The following PHF20L1 variants were observed in gnomAD, a reference collection of about 807,000 sequenced individuals.
PHF20L1 encodes PHD finger protein 20 like 1.
Under a neutral mutation model 125.5 loss-of-function variants are expected in PHF20L1, and 44 were observed. The observed-to-expected ratio is 0.35, with a 90% CI of 0.28 to 0.45. PHF20L1 has a LOEUF of 0.45. PHF20L1 is among the 20% of genes least tolerant of loss of function. The probability of loss-of-function intolerance (pLI) is 1.00; values close to 1 mark genes in which losing one functional copy is unlikely to be tolerated. For missense variants in PHF20L1, 1,012 were observed against 1,217.2 expected (o/e 0.83, Z 2.51); for synonymous variants, 380 against 403.1 (o/e 0.94, Z 0.69).
intron 2 of PHF20L1, among the ~76,000 whole-genome samples, chr8:132,778,702 C>T (rs1202133181): frequency 2.0e-5 from 3 of 152,140 alleles, no homozygotes; most frequent in Non-Finnish European, 2.9e-5. Context: ...TCCTAAGGAG[C>T]GTATTCCTCA....
chr8:132,801,231 C>T (rs1563802497), intron 6 of PHF20L1, among the ~76,000 whole-genome samples: 1 of 151,676 alleles, frequency 6.6e-6, no homozygotes, highest in Non-Finnish European at 1.5e-5. Context: ...CGTTGTGACT[C>T]ACTAGTGTTA....
chr8:132,828,082 A>G (rs566189878), intron 14 of PHF20L1, among the ~76,000 whole-genome samples: 5 of 152,044 alleles, frequency 3.3e-5, no homozygotes, highest in Non-Finnish European at 7.4e-5. Context: ...AATTTTAAAG[A>G]CATCTTAATG....
At chr8:132,823,912 A>G (rs908268821) in intron 12 of PHF20L1, 92 bp from the exon 13 acceptor site, 1 of 702,654 alleles carries the variant, frequency 1.4e-6, no homozygotes, top group South Asian at 2.0e-5. Flanking sequence ...AGAGTCTTAC[A>G]TAGAGTTTTA....
chr8:132,784,959 C>T (rs1830849293), intron 2 of PHF20L1, among the ~76,000 whole-genome samples: 2 of 152,158 alleles, frequency 1.3e-5, no homozygotes, highest in South Asian at 2.1e-4. Flanking sequence ...TCCTAGAGAG[C>T]TTTCCTCCTA....
chr8:132,814,014 G>GT (rs1349839636), intron 9 of PHF20L1, among the ~76,000 whole-genome samples: 1 of 150,826 alleles, frequency 6.6e-6, no homozygotes, highest in African/African-American at 2.4e-5. Flanking sequence ...GTTTTGTATT[G>GT]TTTTTTAGTC....
chr8:132,845,918 G>T lies in PHF20L1; in HGVS notation c.3049G>T (p.Val1017Leu), dbSNP rs1218872361. The change falls in exon 21 of 21, where the codon GTA becomes TTA. Residue 1017 changes from valine to leucine, a missense_variant. This residue lies in a region of PHF20L1 where 277 missense variants were observed against 283.6 expected (regional missense o/e 0.98). Transcript: ENST00000395386. ...KVQQIATLCSV is the reference protein window; with the variant it reads ...KVQQIATLCSL ...ACAGCAGATAGCAACTCTTTGCTCT[G>T]TATGACAACAGTGAACACTTAATGA... 6.2e-7 allele frequency: 1 copy of T among 1,610,818 alleles called. No homozygotes were observed. The highest frequency in any genetic ancestry group is 8.5e-7 in the Non-Finnish European group (1 of 1,177,776).
At chr8:132,809,501 A>G (rs540784611) in intron 8 of PHF20L1, 4 of 152,170 alleles carry the variant, frequency 2.6e-5, no homozygotes, top group Admixed American at 1.3e-4. Context: ...ATTCCTACCT[A>G]GATCACTTAA....
intron 13 of PHF20L1, chr8:132,824,675 G>A (rs1443598516): frequency 1.8e-5 from 3 of 170,286 alleles, no homozygotes; most frequent in Non-Finnish European, 1.3e-5. Context: ...ATTTTTTTAA[G>A]TACATATGAT....
intron 10 of PHF20L1, 28 bp downstream of exon 10, chr8:132,814,917 A>G (rs1834785465): frequency 6.7e-7 from 1 of 1,486,640 alleles, no homozygotes; most frequent in African/African-American, 1.4e-5. Context: ...AAAAATAGTT[A>G]TTTATCCTAT....
intron 2 of PHF20L1, among the ~76,000 whole-genome samples, chr8:132,784,464 A>G (rs1057154203): frequency 6.6e-6 from 1 of 152,066 alleles, no homozygotes; most frequent in African/African-American, 2.4e-5. Flanking sequence ...TCCAAACTCA[A>G]TTTCATTTTA....
chr8:132,811,119 G>A lies in PHF20L1; in HGVS notation c.921G>A (p.Met307Ile), dbSNP rs1489013152. 1.2e-6 allele frequency: 2 copies of A among 1,609,872 alleles called. No homozygotes were observed. Among genetic ancestry groups the A allele is most frequent in the Non-Finnish European group, 1.7e-6 (2 of 1,176,504 alleles). The stretch of plus-strand genomic sequence containing the variant: ...AAGACTACAATGAAACAGCTCCAAT[G>A]CTGGAGCAGGTATGAAATGGTAGCA... The part of the protein sequence containing the change: ...KKEDYNETAP[M>I]LEQAISPKPQ... Residue 307 changes from methionine to isoleucine, a missense_variant, in exon 9 of 21, where the codon ATG becomes ATA. Around this residue, in one of 7 missense-constraint regions of PHF20L1, gnomAD observed 119 missense variants for 160.2 expected, o/e 0.74. Coordinates refer to ENST00000395386, the MANE Select transcript of PHF20L1 (RefSeq NM_016018.5).
At chr8:132,812,663 GAACA>G (rs1834530657) in intron 9 of PHF20L1, 2 of 984,876 alleles carry the variant, frequency 2.0e-6, no homozygotes, top group African/African-American at 1.7e-5. Flanking sequence ...AATGTTTTGT[GAACA>G]AACACTTATT....
At position 132,847,943 on chromosome 8, in the gene PHF20L1, T is replaced by A. The variant is rs1321110971; in HGVS notation, c.*2020T>A. On this transcript the variant is annotated 3_prime_UTR_variant, in exon 21 of 21. Coordinates refer to ENST00000395386, the MANE Select transcript of PHF20L1 (RefSeq NM_016018.5). ...CCTTTGCATTTTAAAATAGTGGCTC[T>A]AATATTTTCCCTGTCATGGCTACAT... 6.6e-6 allele frequency: 1 copy of A among 152,162 alleles called. No individual in the cohort carries two copies. The highest frequency in any genetic ancestry group is 1.5e-5 in the Non-Finnish European group (1 of 67,992). 9.4% of individuals were successfully genotyped at this position (152,162 alleles called of 1,614,324 possible).
intron 12 of PHF20L1, among the ~76,000 whole-genome samples, chr8:132,822,783 T>A (rs934731041): frequency 1.3e-5 from 2 of 151,970 alleles, no homozygotes; most frequent in Non-Finnish European, 2.9e-5. Context: ...ATTTGAGTGG[T>A]ATTTTTATAT....
intron 20 of PHF20L1, among the ~76,000 whole-genome samples, chr8:132,844,944 A>C (rs1006486687): frequency 2.0e-5 from 3 of 151,744 alleles, no homozygotes; most frequent in African/African-American, 7.3e-5. Context: ...TCTGCACCCC[A>C]ACTTTACTTT....
chr8:132,845,299 G>T (rs1838322244), intron 20 of PHF20L1, among the ~76,000 whole-genome samples: 1 of 151,996 alleles, frequency 6.6e-6, no homozygotes, highest in Admixed American at 6.6e-5. Flanking sequence ...AGAACACTGA[G>T]AAATTGCTAC....
At chr8:132,843,709 A>G (rs907850649) in intron 19 of PHF20L1, 17 of 984,942 alleles carry the variant, frequency 1.7e-5, no homozygotes, top group South Asian at 4.7e-5. Flanking sequence ...TTACTGTACT[A>G]TAACAGTAAA....
chr8:132,834,106 G>C (rs576181069), intron 15 of PHF20L1, among the ~76,000 whole-genome samples: 1 of 152,096 alleles, frequency 6.6e-6, no homozygotes, highest in Non-Finnish European at 1.5e-5. Flanking sequence ...CTATTCAAGC[G>C]TAAGGGGGAA....
intron 2 of PHF20L1, among the ~76,000 whole-genome samples, chr8:132,791,513 A>C (rs1342789444): frequency 1.3e-5 from 2 of 152,030 alleles, no homozygotes; most frequent in African/African-American, 4.8e-5. Flanking sequence ...TCGGCCTCCC[A>C]AAGTGCTGGG....
Sources: allele counts gnomAD v4.1 joint callset (sites outside exome capture counted in the v4.1 genomes callset), GRCh38; gene constraint gnomAD v4.1.1; regional missense constraint gnomAD v4.1.1; transcripts MANE v1.5; gene names NCBI Gene and HGNC (gene_info 2026-07-23, HGNC 2026-07-21).